Variants in ZNF583 observed in about 807,000 individuals in gnomAD.
ZNF583 encodes zinc finger protein L3-5.
Under a neutral mutation model 55.3 loss-of-function variants are expected in ZNF583, and 30 were observed. The observed-to-expected ratio is 0.54, with a 90% CI of 0.41 to 0.74. The LOEUF is 0.74. Ranked by LOEUF, ZNF583 falls within the 30% of genes least tolerant of loss-of-function variation. ZNF583 has a pLI of 0.00. For synonymous variants in ZNF583, 208 were observed against 220.0 expected (o/e 0.95, Z 0.48); for missense variants, 504 against 664.7 (o/e 0.76, Z 2.66).
At chr19:56,414,153 C>A in intron 3 of ZNF583, 68 bp downstream of exon 3, 3 of 1,548,132 alleles carry the variant, frequency 1.9e-6, no homozygotes, top group Non-Finnish European at 2.6e-6. Context: ...ATTTGGGAAA[C>A]CTCTGACGTG....
At chr19:56,422,055 A>G (rs1244532834) in intron 4 of ZNF583, among the ~76,000 whole-genome samples, 1 of 152,208 alleles carries the variant, frequency 6.6e-6, no homozygotes, top group African/African-American at 2.4e-5. Flanking sequence ...TAAAGTGGAA[A>G]TAAAGTGAAT....
intron 2 of ZNF583, among the ~76,000 whole-genome samples, chr19:56,408,732 T>C (rs1246624749): frequency 1.3e-5 from 2 of 152,162 alleles, no homozygotes; most frequent in Non-Finnish European, 2.9e-5. Context: ...AGGGACACTG[T>C]AGCGAGTCTG....
intron 4 of ZNF583, among the ~76,000 whole-genome samples, chr19:56,422,029 G>A (rs941180421): frequency 6.6e-6 from 1 of 152,174 alleles, no homozygotes; most frequent in African/African-American, 2.4e-5. Context: ...CAGAGAAACA[G>A]CAAGTCTGGT....
intron 2 of ZNF583, among the ~76,000 whole-genome samples, chr19:56,412,309 A>G (rs1328946375): frequency 6.6e-6 from 1 of 152,244 alleles, no homozygotes; most frequent in Non-Finnish European, 1.5e-5. Context: ...ACAAGCCCTG[A>G]TAAGTCTTGA....
chr19:56,413,845 G>T, intron 2 of ZNF583, 114 bp from the exon 3 acceptor site: 1 of 1,448,184 alleles, frequency 6.9e-7, no homozygotes. Flanking sequence ...CTGTCAGAAA[G>T]TTTTGCTATG....
At chr19:56,419,191 T>C (rs951259366) in intron 4 of ZNF583, among the ~76,000 whole-genome samples, 6 of 137,860 alleles carry the variant, frequency 4.4e-5, no homozygotes, top group African/African-American at 1.6e-4. Flanking sequence ...GGTCTGCAGG[T>C]TTACTTTTTT....
chr19:56,423,412 A>C lies in ZNF583; in HGVS notation c.754A>C (p.Ser252Arg), dbSNP rs1169354905. 1 of 1,613,966 alleles carries C rather than the reference A, an allele frequency of 6.2e-7. No homozygotes were observed. Residue 252 changes from serine (S) to arginine (R), a missense_variant, in exon 5 of 5, where the codon AGT becomes CGT. By Grantham distance (110) the Ser-to-Arg change is moderately radical. Coordinates refer to ENST00000333201, the MANE Select transcript of ZNF583 (RefSeq NM_152478.3). ...TGAATGTGGGAAAACGTTCAGCCAG[A>C]GTGCAAACTTGGCGCAACATAAGAG... is the stretch of plus-strand genomic sequence containing the variant. Reference protein sequence around the residue: ...CVECGKTFSQSANLAQHKRIH... With the variant: ...CVECGKTFSQRANLAQHKRIH...
At chr19:56,410,864 AG>A (rs1331868658) in intron 2 of ZNF583, among the ~76,000 whole-genome samples, 1 of 152,192 alleles carries the variant, frequency 6.6e-6, no homozygotes, top group Non-Finnish European at 1.5e-5. Context: ...CATAGACATT[AG>A]TATAAGGAAC....
intron 2 of ZNF583, among the ~76,000 whole-genome samples, chr19:56,411,580 T>G (rs1446391668): frequency 6.6e-6 from 1 of 152,360 alleles, no homozygotes; most frequent in East Asian, 1.9e-4. Flanking sequence ...GTGGAACACT[T>G]TCCCGCACAA....
In ZNF583 at chr19:56,427,094, C is replaced by A. The variant is rs529353015; in HGVS notation, c.*2726C>A. On this transcript the variant is annotated 3_prime_UTR_variant, in exon 5 of 5. Transcript: ENST00000333201. ...ATGGAATCTAGTCTGCCCAAAGGAT[C>A]CCTAGAGAAGTTCAGGCTTGGAGTT... The A allele has an allele frequency of 6.6e-6, 1 of 152,120 alleles. No individual in the cohort carries two copies. The highest frequency in any genetic ancestry group is 2.4e-5 in the African/African-American group (1 of 41,480). 9.4% of individuals were successfully genotyped at this position (152,120 alleles called of 1,614,324 possible).
Position 56,426,736 on chromosome 19 carries a change from A to C in ZNF583, c.*2368A>C, listed in dbSNP as rs776160660. ...TATTTTTTTCAATATCAGATTAATA[A>C]AACTGCATTGAAAGCATACAAAAAG... On this transcript the variant is annotated 3_prime_UTR_variant, in exon 5 of 5. Coordinates refer to ENST00000333201, the MANE Select transcript of ZNF583 (RefSeq NM_152478.3). The C allele has an allele frequency of 2.0e-5, 3 of 152,184 alleles. No individual in the cohort carries two copies. Among genetic ancestry groups the C allele is most frequent in the Non-Finnish European group, 4.4e-5 (3 of 68,034 alleles). The allele number at this position is 152,184 out of a possible 1,614,324, so 9.4% of individuals were successfully genotyped here. A position where few individuals can be genotyped will look rare whatever the true frequency, so the allele number is the denominator to read the frequency against.
intron 1 of ZNF583, among the ~76,000 whole-genome samples, chr19:56,405,414 T>C (rs2042131053): frequency 6.6e-6 from 1 of 152,124 alleles, no homozygotes; most frequent in East Asian, 1.9e-4. Flanking sequence ...AATGAGAAAC[T>C]ATGTGGTTTG....
intron 2 of ZNF583, among the ~76,000 whole-genome samples, chr19:56,412,941 T>C (rs1237111844): frequency 1.3e-5 from 2 of 152,202 alleles, no homozygotes; most frequent in Admixed American, 6.5e-5. Context: ...GGGGTCTCAC[T>C]ATATTGCCCA....
At chr19:56,414,981 A>C (rs961868139) in intron 4 of ZNF583, among the ~76,000 whole-genome samples, 1 of 148,942 alleles carries the variant, frequency 6.7e-6, no homozygotes, top group Non-Finnish European at 1.5e-5. Flanking sequence ...GCGCCCCTGC[A>C]CTCCAGCCTA....
intron 2 of ZNF583, among the ~76,000 whole-genome samples, chr19:56,407,539 C>T (rs1250776310): frequency 1.3e-5 from 2 of 152,184 alleles, no homozygotes; most frequent in Admixed American, 1.3e-4. Flanking sequence ...TGGTCTTAGT[C>T]ACAGAACAGG....
In ZNF583 at chr19:56,423,356, T is replaced by C. The variant is rs2042449708; in HGVS notation, c.698T>C (p.Ile233Thr). Reference protein sequence around the residue: ...QSSSLTLHQRIHTGEKPYACV... With the variant: ...QSSSLTLHQRTHTGEKPYACV... Reference sequence around the variant, plus strand: ...TCATCCCTTACTCTTCATCAGAGAATTCATACTGGAGAGAAACCCTATGCA... The same window carrying C: ...TCATCCCTTACTCTTCATCAGAGAACTCATACTGGAGAGAAACCCTATGCA... Residue 233 changes from isoleucine to threonine, a missense_variant, in exon 5 of 5, where the codon ATT becomes ACT. Ile to Thr is a moderately conservative substitution (Grantham distance 89). Transcript: ENST00000333201. 1 of 1,614,076 alleles carries C rather than the reference T, an allele frequency of 6.2e-7. No homozygotes were observed. The highest frequency in any genetic ancestry group is 8.5e-7 in the Non-Finnish European group (1 of 1,179,984).
intron 4 of ZNF583, among the ~76,000 whole-genome samples, chr19:56,418,414 G>C (rs1354524838): frequency 1.3e-5 from 2 of 151,972 alleles, no homozygotes; most frequent in Non-Finnish European, 2.9e-5. Context: ...GTCTGAAAAA[G>C]AAAAAGGAAA....
At chr19:56,406,008 G>C (rs1386683098) in intron 1 of ZNF583, among the ~76,000 whole-genome samples, 1 of 152,184 alleles carries the variant, frequency 6.6e-6, no homozygotes, top group African/African-American at 2.4e-5. Context: ...AGGCAGTGAG[G>C]TCTGCTGGAC....
intron 1 of ZNF583, among the ~76,000 whole-genome samples, chr19:56,405,135 AGTGT>A (rs1281578155): frequency 2.0e-5 from 3 of 152,134 alleles, no homozygotes; most frequent in African/African-American, 7.2e-5. Context: ...TTTGTGTGAC[AGTGT>A]GTGAGACTGT....
Sources: gnomAD v4.1 joint callset for allele counts (sites outside exome capture counted in the v4.1 genomes callset) on GRCh38, gnomAD v4.1.1 for gene constraint, MANE v1.5 for transcripts, NCBI Gene and HGNC (gene_info 2026-07-23, HGNC 2026-07-21) for gene names.